Variants in TOP2B observed in about 807,000 individuals in gnomAD.
The protein encoded by TOP2B is DNA topoisomerase II beta.
A neutral mutation model predicts 193.5 loss-of-function variants in TOP2B; 51 were observed. The observed-to-expected ratio is 0.26, with a 90% CI of 0.21 to 0.33. The LOEUF is 0.33. Ranked by LOEUF, TOP2B falls within the 10% of genes least tolerant of loss-of-function variation. The pLI is 1.00. For synonymous variants in TOP2B, 634 were observed against 635.7 expected (o/e 1.00, Z 0.04); for missense variants, 1,378 against 1,909.3 (o/e 0.72, Z 5.19).
intron 1 of TOP2B, among the ~76,000 whole-genome samples, chr3:25,653,394 A>G (rs1703652006): frequency 6.6e-6 from 1 of 151,956 alleles, no homozygotes; most frequent in Non-Finnish European, 1.5e-5. Flanking sequence ...AACTCAATTC[A>G]ATAGCACTTT....
At chr3:25,611,943 T>C (rs924418193) in intron 28 of TOP2B, among the ~76,000 whole-genome samples, 3 of 151,934 alleles carry the variant, frequency 2.0e-5, no homozygotes, top group African/African-American at 7.3e-5. Context: ...TTTATTTTTA[T>C]TTATTTATTT....
At chr3:25,633,740 T>G in intron 8 of TOP2B, 101 bp downstream of exon 8, 3 of 985,486 alleles carry the variant, frequency 3.0e-6, no homozygotes, top group Non-Finnish European at 4.3e-6. Context: ...CAAAAACAGA[T>G]TTGGGTTTTT....
intron 33 of TOP2B, among the ~76,000 whole-genome samples, chr3:25,603,122 G>T (rs1010419143): frequency 6.6e-6 from 1 of 152,168 alleles, no homozygotes; most frequent in Non-Finnish European, 1.5e-5. Context: ...TTAAATATGG[G>T]TGAACAGTTT....
rs751600779 is a variant in TOP2B at position 25,634,032 on chromosome 3, A to G, written c.853-18T>C. 1.3e-6 allele frequency: 2 copies of G among 1,573,916 alleles called. No individual in the cohort carries two copies. The highest frequency in any genetic ancestry group is 1.7e-6 in the Non-Finnish European group (2 of 1,159,126). ...CCATTTACCTATTAATTTAAAAAAC[A>G]AAAACAATTAAAAATCTTACACTGG... On this transcript the variant is annotated intron_variant, in intron 7 of 35. Transcript: ENST00000264331.
In TOP2B at chr3:25,627,168, A is replaced by T. The variant is rs1404489871; in HGVS notation, c.2016+19T>A. 2 of 1,562,082 alleles carry T rather than the reference A, an allele frequency of 1.3e-6. No homozygotes were observed. The highest frequency in any genetic ancestry group is 1.7e-6 in the Non-Finnish European group (2 of 1,146,178). ...AGGGGGATGGCTAACAAAAGCTTTT[A>T]AAAAATTAACTTAATTACCAAGGTA... On this transcript the variant is annotated intron_variant, in intron 16 of 35. Coordinates refer to ENST00000264331, the MANE Select transcript of TOP2B (RefSeq NM_001330700.2).
At chr3:25,657,789 C>T (rs1428827254) in intron 1 of TOP2B, among the ~76,000 whole-genome samples, 2 of 152,162 alleles carry the variant, frequency 1.3e-5, no homozygotes, top group African/African-American at 2.4e-5. Context: ...CGGCTGGGCG[C>T]GGTGGCTGAC....
At chr3:25,633,785 T>G in intron 8 of TOP2B, 56 bp downstream of exon 8, 2 of 1,402,970 alleles carry the variant, frequency 1.4e-6, no homozygotes, top group South Asian at 1.6e-5. Flanking sequence ...GTTTTGTAGT[T>G]TTTATTGAAG....
intron 33 of TOP2B, among the ~76,000 whole-genome samples, chr3:25,602,951 G>A (rs1702145694): frequency 1.3e-5 from 2 of 152,138 alleles, no homozygotes; most frequent in South Asian, 4.1e-4. Flanking sequence ...TCGTAAGGGA[G>A]GCTAAAGGAA....
intron 35 of TOP2B, 107 bp from the exon 36 acceptor site, chr3:25,598,584 A>G: frequency 1.2e-6 from 1 of 815,270 alleles, no homozygotes; most frequent in Non-Finnish European, 1.7e-6. Flanking sequence ...ATTACAAATA[A>G]TGGTGCTTTT....
At chr3:25,618,256 G>C (rs987000512) in intron 25 of TOP2B, 162 bp downstream of exon 25, 15 of 602,364 alleles carry the variant, frequency 2.5e-5, no homozygotes, top group Non-Finnish European at 4.1e-5. Context: ...ATAAATTCCT[G>C]TACTTTATCT....
intron 33 of TOP2B, 117 bp from the exon 34 acceptor site, chr3:25,601,342 G>T: frequency 7.8e-7 from 1 of 1,286,702 alleles, no homozygotes; most frequent in Non-Finnish European, 1.0e-6. Context: ...GCCTGGCTGG[G>T]CGTGGTGGCT....
intron 1 of TOP2B, among the ~76,000 whole-genome samples, chr3:25,655,280 T>C (rs1385896107): frequency 6.6e-6 from 1 of 152,110 alleles, no homozygotes; most frequent in African/African-American, 2.4e-5. Flanking sequence ...CAACAGCATA[T>C]GAAAAGATAA....
At chr3:25,615,371 G>C in intron 26 of TOP2B, 60 bp downstream of exon 26, 1 of 1,538,772 alleles carries the variant, frequency 6.5e-7, no homozygotes, top group South Asian at 1.3e-5. Context: ...TTTGGAAAAA[G>C]AAAAAGATAC....
Position 25,612,528 on chromosome 3 carries a change from A to G in TOP2B, c.3773T>C (p.Leu1258Pro). 6.2e-7 allele frequency: 1 copy of G among 1,608,476 alleles called. No homozygotes were observed. Among genetic ancestry groups the G allele is most frequent in the South Asian group, 1.1e-5 (1 of 90,342 alleles). The change falls in exon 28 of 36, where the codon CTG becomes CCG. Residue 1258 changes from leucine to proline, a missense_variant. Leu to Pro is a moderately conservative substitution (Grantham distance 98). Coordinates refer to ENST00000264331, the MANE Select transcript of TOP2B (RefSeq NM_001330700.2). Reference sequence around the variant, plus strand: ...GGTATGTCATACCTTCTTCTTCTTCAGCAACTTTTTGCTGGCATCTGCCTT... The same window carrying G: ...GGTATGTCATACCTTCTTCTTCTTCGGCAACTTTTTGCTGGCATCTGCCTT... Reference protein sequence around the residue: ...AMKADASKKLLKKKKGDLDTA... With the variant: ...AMKADASKKLPKKKKGDLDTA...
chr3:25,634,946 A>G lies in TOP2B; in HGVS notation c.853-932T>C, dbSNP rs901478513. On this transcript the variant is annotated intron_variant, in intron 7 of 35. Coordinates refer to ENST00000264331, the MANE Select transcript of TOP2B (RefSeq NM_001330700.2). ...GAGAGGCATAAACTTATAAAGGTCA[A>G]ACCCCTGAGATACAGGTTCACCATG... Among the ~76,000 whole-genome samples the G allele has an allele frequency of 1.3e-5, 2 of 152,098 alleles. 1 individual carries two copies. Among genetic ancestry groups the G allele is most frequent in the Non-Finnish European group, 2.9e-5 (2 of 67,996 alleles).
chr3:25,647,231 C>A (rs1703436717), intron 1 of TOP2B, among the ~76,000 whole-genome samples: 2 of 152,000 alleles, frequency 1.3e-5, no homozygotes, highest in African/African-American at 4.8e-5. Context: ...CATTTAAGGG[C>A]CAGGCGCAGT....
chr3:25,598,184 T>C lies in TOP2B; in HGVS notation c.*123A>G. 2 of 1,053,242 alleles carry C rather than the reference T, an allele frequency of 1.9e-6. No homozygotes were observed. The highest frequency in any genetic ancestry group is 2.7e-6 in the Non-Finnish European group (2 of 738,922). 65.2% of individuals were successfully genotyped at this position (1,053,242 alleles called of 1,614,324 possible). On this transcript the variant is annotated 3_prime_UTR_variant, in exon 36 of 36. Transcript: ENST00000264331. ...CAAAATGTTAAAAGGCCTACCACAA[T>C]AATAAAAAACCGTCAATTACATCAT...
At chr3:25,623,797 GA>G in intron 20 of TOP2B, 51 bp from the exon 21 acceptor site, 1 of 1,222,652 alleles carries the variant, frequency 8.2e-7, no homozygotes, top group South Asian at 1.4e-5. Context: ...CTTTGGGAAA[GA>G]AAACTTTATA....
intron 1 of TOP2B, among the ~76,000 whole-genome samples, chr3:25,660,240 T>C (rs1189272227): frequency 1.3e-5 from 2 of 152,240 alleles, no homozygotes; most frequent in African/African-American, 4.8e-5. Flanking sequence ...GAAGTCAGCA[T>C]GTCAATTATC....
Sources: allele counts gnomAD v4.1 joint callset (sites outside exome capture counted in the v4.1 genomes callset), GRCh38; gene constraint gnomAD v4.1.1; transcripts MANE v1.5; gene names NCBI Gene and HGNC (gene_info 2026-07-23, HGNC 2026-07-21).